MTMR12: variants seen among roughly 807,000 people sequenced by gnomAD.
MTMR12 encodes the protein myotubularin related protein 12.
MTMR12 carries 33 observed loss-of-function variants against 96.7 expected under a neutral mutation model. The observed-to-expected ratio is 0.34, with a 90% CI of 0.26 to 0.46. The LOEUF is 0.46. MTMR12 is among the 20% of genes least tolerant of loss of function. The pLI, the probability that MTMR12 is intolerant of heterozygous loss-of-function variation, is 1.00. For missense variants in MTMR12, 721 were observed against 896.1 expected, an observed-to-expected ratio of 0.80 and a Z score of 2.49; for synonymous variants, 298 against 327.2, an observed-to-expected ratio of 0.91 and a Z score of 0.96.
chr5:32,299,925 G>A (rs867850505), intron 1 of MTMR12, among the ~76,000 whole-genome samples: 2 of 152,074 alleles, frequency 1.3e-5, no homozygotes, highest in East Asian at 3.9e-4. Context: ...CTTTAATGTC[G>A]ACCTTTCCAA....
intron 1 of MTMR12, among the ~76,000 whole-genome samples, chr5:32,281,571 T>G (rs1357702113): frequency 6.6e-6 from 1 of 152,170 alleles, no homozygotes; most frequent in Non-Finnish European, 1.5e-5. Context: ...TTGAACCCTC[T>G]GCAAGACCAA....
rs1345337676 is a variant in MTMR12, at chr5:32,308,605, CTTCT to C, written c.81+4149_81+4152del. ...CCTTCTCACCCCTTCCTACCTTTAT[CTTCT>C]TTTTTTTTTTGAGATGGAGTCTCAC... On this transcript the variant is annotated intron_variant, in intron 1 of 15. Transcript: ENST00000382142. Among the ~76,000 whole-genome samples, 6 of 151,812 alleles carry C rather than the reference CTTCT, an allele frequency of 4.0e-5. No individual in the cohort carries two copies. The South Asian group carries it at 6.3e-4, about 16-fold the overall frequency.
At chr5:32,304,982 C>G (rs927185720) in intron 1 of MTMR12, among the ~76,000 whole-genome samples, 8 of 152,200 alleles carry the variant, frequency 5.3e-5, no homozygotes, top group Non-Finnish European at 1.2e-4. Flanking sequence ...TTCTGATGGC[C>G]TACCAATGAC....
chr5:32,255,204 G>A (rs987549263), intron 8 of MTMR12, among the ~76,000 whole-genome samples: 5 of 152,132 alleles, frequency 3.3e-5, no homozygotes, highest in Admixed American at 6.5e-5. Flanking sequence ...ATTAGAAACC[G>A]GAGTAACTGC....
chr5:32,284,333 AAAAAAG>A (rs1270960388), intron 1 of MTMR12, among the ~76,000 whole-genome samples: 1 of 151,050 alleles, frequency 6.6e-6, no homozygotes, highest in African/African-American at 2.5e-5. Flanking sequence ...AAAAAAAAAA[AAAAAAG>A]AATAGAAAAG....
intron 2 of MTMR12, among the ~76,000 whole-genome samples, chr5:32,275,902 A>G (rs1475686322): frequency 6.6e-6 from 1 of 152,264 alleles, no homozygotes; most frequent in Non-Finnish European, 1.5e-5. Flanking sequence ...AAACTTGCAC[A>G]GATTTATATC....
chr5:32,312,886 C>A lies in MTMR12; in HGVS notation c.-48G>T, dbSNP rs773121825. The A allele has an allele frequency of 2.7e-6, 4 of 1,488,290 alleles. No individual in the cohort carries two copies. The highest frequency in any genetic ancestry group is 2.2e-5 in the Admixed American group (1 of 44,770). The allele number at this position is 1,488,290 out of a possible 1,614,324, so 92.2% of individuals were successfully genotyped here. A position where few individuals can be genotyped will look rare whatever the true frequency, so the allele number is the denominator to read the frequency against. On this transcript the variant is annotated 5_prime_UTR_variant, in exon 1 of 16. Coordinates refer to ENST00000382142, the MANE Select transcript of MTMR12 (RefSeq NM_001040446.3). This position sits in a 1 kb window ranked among gnomAD's most constrained non-coding sequence, Gnocchi z 5.0. Reference sequence around the variant, plus strand: ...ACGCGCGGACGCAGAGGCGGCGGCTCGGGCTCCAGCTGGGGCAGCAGCGGC... The same window carrying A: ...ACGCGCGGACGCAGAGGCGGCGGCTAGGGCTCCAGCTGGGGCAGCAGCGGC...
At chr5:32,297,259 A>G (rs1750965971) in intron 1 of MTMR12, among the ~76,000 whole-genome samples, 1 of 152,206 alleles carries the variant, frequency 6.6e-6, no homozygotes, top group Non-Finnish European at 1.5e-5. Context: ...ATCATCCCAA[A>G]AGGAATATTC....
Position 32,227,586 on chromosome 5 carries a change from G to A in MTMR12, c.*2192C>T, listed in dbSNP as rs894316829. ...GCATCACACCGGGCATTTTTGGAAT[G>A]AAAATTACAAAGCCTGAAGAGGCTA... is the stretch of plus-strand genomic sequence containing the variant. On this transcript the variant is annotated 3_prime_UTR_variant, in exon 16 of 16. Transcript: ENST00000382142. The A allele has an allele frequency of 2.0e-5, 3 of 152,622 alleles. No homozygotes were observed. The highest frequency in any genetic ancestry group is 7.2e-5 in the African/African-American group (3 of 41,434). 9.5% of individuals were successfully genotyped at this position (152,622 alleles called of 1,614,324 possible). A position where few individuals can be genotyped will look rare whatever the true frequency, so the allele number is the denominator to read the frequency against.
intron 3 of MTMR12, among the ~76,000 whole-genome samples, chr5:32,272,719 C>G (rs1749885782): frequency 6.6e-6 from 1 of 152,176 alleles, no homozygotes; most frequent in Admixed American, 6.5e-5. Flanking sequence ...GCAAACCCAC[C>G]ATGCCACACA....
At chr5:32,269,484 T>C (rs896581033) in intron 5 of MTMR12, among the ~76,000 whole-genome samples, 2 of 152,062 alleles carry the variant, frequency 1.3e-5, no homozygotes, top group African/African-American at 2.4e-5. Flanking sequence ...TTTGTATTTT[T>C]AGTAGAGACA....
At chr5:32,309,283 T>C (rs1362257028) in intron 1 of MTMR12, among the ~76,000 whole-genome samples, 2 of 152,142 alleles carry the variant, frequency 1.3e-5, no homozygotes, top group African/African-American at 2.4e-5. Flanking sequence ...TAAAGATCAG[T>C]TGCACTTCAA....
chr5:32,256,971 CAG>C (rs1398733858), intron 7 of MTMR12, among the ~76,000 whole-genome samples: 1 of 152,164 alleles, frequency 6.6e-6, no homozygotes, highest in Non-Finnish European at 1.5e-5. Context: ...AAAAAGATGA[CAG>C]AGAAAGGGTT....
At position 32,312,316 on chromosome 5, in the gene MTMR12, C is replaced by A. The variant is rs749025743; in HGVS notation, c.81+442G>T. ...GCCAGCCGCACCCGAGGCACTCAGA[C>A]GCAGGCAGCGGAGGCCGGCGGGCTT... is the stretch of plus-strand genomic sequence containing the variant. On this transcript the variant is annotated intron_variant, in intron 1 of 15. Coordinates refer to ENST00000382142, the MANE Select transcript of MTMR12 (RefSeq NM_001040446.3). This position sits in a 1 kb window ranked among gnomAD's most constrained non-coding sequence, Gnocchi z 5.0. Among the ~76,000 whole-genome samples, 17 of 152,206 alleles carry A rather than the reference C, an allele frequency of 1.1e-4. No individual in the cohort carries two copies. The highest frequency in any genetic ancestry group is 2.5e-4 in the Non-Finnish European group (17 of 68,042).
chr5:32,230,931 G>A (rs939956357), intron 15 of MTMR12, among the ~76,000 whole-genome samples: 4 of 152,216 alleles, frequency 2.6e-5, no homozygotes, highest in Non-Finnish European at 4.4e-5. Context: ...CAGAAAACAG[G>A]CAGGTGAGAG....
chr5:32,274,452 A>G (rs1010614258), intron 2 of MTMR12, among the ~76,000 whole-genome samples: 4 of 152,184 alleles, frequency 2.6e-5, no homozygotes, highest in African/African-American at 9.7e-5. Context: ...TAGTGTTTTC[A>G]TTACTTTGAC....
intron 1 of MTMR12, among the ~76,000 whole-genome samples, chr5:32,286,860 C>T (rs953211638): frequency 3.3e-5 from 5 of 152,174 alleles, no homozygotes; most frequent in African/African-American, 7.2e-5. Flanking sequence ...CTGCTCCTCT[C>T]GAGTTCACAT....
At chr5:32,305,725 G>A (rs1457533012) in intron 1 of MTMR12, among the ~76,000 whole-genome samples, 1 of 152,150 alleles carries the variant, frequency 6.6e-6, no homozygotes, top group Non-Finnish European at 1.5e-5. Context: ...CCAACGTGGA[G>A]AAATCCTGTC....
rs752327449 is a variant in MTMR12 at position 32,233,473 on chromosome 5, AACACACACACAC to A, written c.1674+288_1674+299del. On this transcript the variant is annotated intron_variant, in intron 15 of 15. Coordinates refer to ENST00000382142, the MANE Select transcript of MTMR12 (RefSeq NM_001040446.3). This position sits in a 1 kb window ranked among gnomAD's most constrained non-coding sequence, Gnocchi z 5.0. Reference sequence around the variant, plus strand: ...CTCTACTAACACACACACACACACAAACACACACACACACACACACACACAGGCAGGACAAGA... The same window carrying A: ...CTCTACTAACACACACACACACACAAACACACACACACAGGCAGGACAAGA... Among the ~76,000 whole-genome samples, 1 of 60,006 alleles carries A rather than the reference AACACACACACAC, an allele frequency of 1.7e-5. No individual in the cohort carries two copies. Among genetic ancestry groups the A allele is most frequent in the Admixed American group, 1.7e-4 (1 of 5,982 alleles). 39.4% of individuals were successfully genotyped at this position (60,006 alleles called of 152,430 possible).
Sources: gnomAD v4.1 joint callset for allele counts (sites outside exome capture counted in the v4.1 genomes callset) on GRCh38, gnomAD v4.1.1 for gene constraint, Gnocchi (gnomAD v3.1) non-coding constraint, MANE v1.5 for transcripts, NCBI Gene and HGNC (gene_info 2026-07-23, HGNC 2026-07-21) for gene names.